Variants in TDO2 observed in about 807,000 individuals in gnomAD.
TDO2 encodes the protein tryptophan 2,3-dioxygenase, also known as tryptamin 2,3-dioxygenase.
In TDO2, 63 loss-of-function variants were observed where a neutral mutation model predicts 61.2. The observed-to-expected ratio is 1.03, with a 90% CI of 0.84 to 1.27. The LOEUF is 1.27. Among genes scored for constraint, TDO2 ranks in the 50% most tolerant of loss-of-function variants. TDO2 has a pLI of 0.00. For synonymous variants in TDO2, 183 were observed against 164.0 expected, an observed-to-expected ratio of 1.12 and a Z score of -0.89; for missense variants, 494 against 469.5, an observed-to-expected ratio of 1.05 and a Z score of -0.48.
At chr4:155,914,235 A>G (rs1030477926) in intron 7 of TDO2, 88 bp from the exon 8 acceptor site, 70 of 864,330 alleles carry the variant, frequency 8.1e-5, no homozygotes, top group Non-Finnish European at 1.2e-4. Context: ...TTCTGCAACC[A>G]TAAGTCTTTT....
At chr4:155,915,517 TTGAAA>T (rs1310162811) in intron 8 of TDO2, among the ~76,000 whole-genome samples, 4 of 152,218 alleles carry the variant, frequency 2.6e-5, no homozygotes, top group African/African-American at 9.6e-5. Context: ...CACTACTTTT[TTGAAA>T]TGAAAGACAC....
chr4:155,911,091 G>A (rs75079163), intron 6 of TDO2, among the ~76,000 whole-genome samples: 7,956 of 151,894 alleles, frequency 0.052, 237 homozygotes, highest in African/African-American at 0.077. Context: ...TATACATATC[G>A]TAATTTCTTA....
chr4:155,906,114 T>A (rs1369729213), intron 3 of TDO2: 1 of 152,104 alleles, frequency 6.6e-6, no homozygotes, highest in Non-Finnish European at 1.5e-5. Flanking sequence ...GTTGCTTAGA[T>A]CTCAGGACCT....
At chr4:155,909,764 A>G in intron 5 of TDO2, among the ~76,000 whole-genome samples, 1 of 151,780 alleles carries the variant, frequency 6.6e-6, no homozygotes, top group South Asian at 2.1e-4. Flanking sequence ...TAAAACTGAC[A>G]GTCTCTACAA....
intron 6 of TDO2, 39 bp from the exon 7 acceptor site, chr4:155,911,458 T>A: frequency 6.6e-7 from 1 of 1,508,084 alleles, no homozygotes; most frequent in Non-Finnish European, 9.1e-7. Flanking sequence ...TTTACATAAT[T>A]TTACCATGTA....
chr4:155,905,329 T>G (rs775562669), intron 3 of TDO2, 172 bp downstream of exon 3: 5 of 545,198 alleles, frequency 9.2e-6, no homozygotes, highest in Non-Finnish European at 1.6e-5. Context: ...ATATAAGGAT[T>G]TCAATAGTCT....
intron 11 of TDO2, chr4:155,918,922 G>A (rs1742994458): frequency 6.6e-6 from 1 of 152,198 alleles, no homozygotes; most frequent in South Asian, 2.1e-4. Context: ...AATCTTTACA[G>A]CACATTGCTT....
rs1158397728 is a variant in TDO2 at position 155,911,490 on chromosome 4, A to G, written c.619-7A>G. The G allele has an allele frequency of 3.7e-6, 6 of 1,601,686 alleles. No homozygotes were observed. Among genetic ancestry groups the G allele is most frequent in the Non-Finnish European group, 5.1e-6 (6 of 1,172,810 alleles). On this transcript the variant is annotated splice_region_variant and splice_polypyrimidine_tract_variant and intron_variant, in intron 6 of 11. Coordinates refer to ENST00000536354, the MANE Select transcript of TDO2 (RefSeq NM_005651.4). ...TGTACTCACTTAAAAAATAATGTTT[A>G]TTTAAGGCATGGCTGGAAAGAACTC...
rs1742896352 is a variant in TDO2 at position 155,914,578 on chromosome 4, T to C, written c.838+144T>C. 6 of 596,780 alleles carry C rather than the reference T, an allele frequency of 1.0e-5. No homozygotes were observed. In the South Asian group the frequency reaches 1.9e-4, roughly 19 times the overall value. The allele number at this position is 596,780 out of a possible 1,614,324, so 37.0% of individuals were successfully genotyped here. On this transcript the variant is annotated intron_variant, in intron 8 of 11. Coordinates refer to ENST00000536354, the MANE Select transcript of TDO2 (RefSeq NM_005651.4). ...CTGATAGAAACAAAAATGGAGTAAA[T>C]GTTTTTGGTGATAAACCTATTTTAA...
At chr4:155,904,425 A>C (rs546613275) in intron 2 of TDO2, among the ~76,000 whole-genome samples, 1 of 152,344 alleles carries the variant, frequency 6.6e-6, no homozygotes, top group East Asian at 1.9e-4. Context: ...ACTTGTATAG[A>C]TAAGACATGG....
At chr4:155,919,473 T>C (rs1358894503) in intron 11 of TDO2, among the ~76,000 whole-genome samples, 3 of 152,174 alleles carry the variant, frequency 2.0e-5, no homozygotes, top group Admixed American at 2.0e-4. Flanking sequence ...CAAATGAGCA[T>C]CTAAGACTGT....
chr4:155,908,934 AGTGTCAGTGATCCTGAAACTGCTG>A lies in TDO2; in HGVS notation c.355_378del (p.Ser119_Val126del). 1 of 1,613,258 alleles carries A rather than the reference AGTGTCAGTGATCCTGAAACTGCTG, an allele frequency of 6.2e-7. No individual in the cohort carries two copies. The highest frequency in any genetic ancestry group is 8.5e-7 in the Non-Finnish European group (1 of 1,179,690). ...TTAAGGTTGTTTCTCGGATGCACCG[AGTGTCAGTGATCCTGAAACTGCTG>A]GTGCAGCAGTTTTCCATTCTGGAGA... On this transcript the variant is annotated inframe_deletion, in exon 5 of 12. Transcript: ENST00000536354.
At chr4:155,909,134 T>A in intron 5 of TDO2, 120 bp downstream of exon 5, 2 of 974,344 alleles carry the variant, frequency 2.1e-6, no homozygotes, top group Non-Finnish European at 2.9e-6. Flanking sequence ...ATTTTGTCAC[T>A]ATATGGACTT....
chr4:155,905,406 C>T, intron 3 of TDO2: 1 of 346,814 alleles, frequency 2.9e-6, no homozygotes, highest in Non-Finnish European at 5.1e-6. Flanking sequence ...TCCAAGGGGA[C>T]TTTCTGCCTC....
At chr4:155,913,476 C>A (rs1483132326) in intron 7 of TDO2, among the ~76,000 whole-genome samples, 1 of 152,054 alleles carries the variant, frequency 6.6e-6, no homozygotes, top group Non-Finnish European at 1.5e-5. Context: ...AAAGGTCTTT[C>A]CTAAACTCCT....
At position 155,910,150 on chromosome 4, in the gene TDO2, G is replaced by T. The variant is rs200816290; in HGVS notation, c.557G>T (p.Gly186Val). The T allele has an allele frequency of 6.3e-7, 1 of 1,598,224 alleles. No individual in the cohort carries two copies. The highest frequency in any genetic ancestry group is 1.8e-5 in the Admixed American group (1 of 56,544). ...AGACATTATCGTGATAACTTCAAAG[G>T]AGAAGAAAATGAACTGCTACTTAAA... ...NRRHYRDNFK[G>V]EENELLLKSE... Residue 186 changes from glycine (G) to valine (V), a missense_variant, in exon 6 of 12, where the codon GGA (glycine) becomes GTA (valine). By Grantham distance (109) the Gly-to-Val change is moderately radical (BLOSUM62 -3). Transcript: ENST00000536354.
At chr4:155,905,450 G>A (rs964897634) in intron 3 of TDO2, 8 of 291,404 alleles carry the variant, frequency 2.7e-5, no homozygotes, top group Non-Finnish European at 5.0e-5. Flanking sequence ...AAGTGAAGAT[G>A]TTACGTTTCT....
intron 6 of TDO2, 138 bp downstream of exon 6, chr4:155,910,349 T>C: frequency 1.6e-6 from 1 of 621,886 alleles, no homozygotes; most frequent in Non-Finnish European, 2.6e-6. Context: ...TTCATAAAAA[T>C]ACATGAATTT....
intron 6 of TDO2, among the ~76,000 whole-genome samples, chr4:155,910,873 T>C (rs1370438723): frequency 6.6e-6 from 1 of 152,030 alleles, no homozygotes; most frequent in Non-Finnish European, 1.5e-5. Context: ...TGCCAAATAA[T>C]GGCAGATAAG....
Sources: allele counts gnomAD v4.1 joint callset (sites outside exome capture counted in the v4.1 genomes callset), GRCh38; gene constraint gnomAD v4.1.1; transcripts MANE v1.5; gene names NCBI Gene and HGNC (gene_info 2026-07-23, HGNC 2026-07-21).